ATXN1: variants seen among roughly 807,000 people sequenced by gnomAD.
ATXN1 encodes the protein ataxin-1.
In ATXN1, 8 loss-of-function variants were observed where a neutral mutation model predicts 56.4. The observed-to-expected ratio is 0.14, with a 90% confidence interval of 0.08 to 0.26. ATXN1 has a LOEUF of 0.26. Among genes scored for constraint, ATXN1 ranks in the 10% least tolerant of loss-of-function variants. The probability of loss-of-function intolerance (pLI) is 1.00; values close to 1 mark genes in which losing one functional copy is unlikely to be tolerated. For missense variants in ATXN1, 987 were observed against 1,106.5 expected (o/e 0.89, Z 1.53); for synonymous variants, 514 against 494.6 (o/e 1.04, Z -0.52).
chr6:16,538,073 C>T (rs1422079432), intron 4 of ATXN1, among the ~76,000 whole-genome samples: 2 of 152,158 alleles, frequency 1.3e-5, no homozygotes, highest in Admixed American at 1.3e-4. Context: ...CTTGATGAAA[C>T]CCCTTGTAAT....
chr6:16,386,644 C>G (rs16877981), intron 6 of ATXN1, among the ~76,000 whole-genome samples: 5,551 of 152,102 alleles, frequency 0.036, 329 homozygotes, highest in African/African-American at 0.13. Context: ...GGGTCTCTGA[C>G]ACTGATAACA....
intron 2 of ATXN1, among the ~76,000 whole-genome samples, chr6:16,724,324 C>T (rs707850): frequency 0.64 from 97,240 of 151,730 alleles, 31,595 homozygotes; most frequent in East Asian, 0.85. Flanking sequence ...TTTTGATGAG[C>T]AGGAATTCCA....
At chr6:16,618,052 CAA>C (rs921729373) in intron 3 of ATXN1, among the ~76,000 whole-genome samples, 1 of 126,460 alleles carries the variant, frequency 7.9e-6, no homozygotes, top group African/African-American at 2.9e-5. Flanking sequence ...GGTATAAAAG[CAA>C]AAAAAAAAAT....
At chr6:16,467,311 T>C (rs1045208944) in intron 6 of ATXN1, among the ~76,000 whole-genome samples, 1 of 152,252 alleles carries the variant, frequency 6.6e-6, no homozygotes, top group African/African-American at 2.4e-5. Context: ...AAATTATGTA[T>C]GAAGAGGATG....
At chr6:16,420,392 G>T (rs146242089) in intron 6 of ATXN1, among the ~76,000 whole-genome samples, 2 of 152,110 alleles carry the variant, frequency 1.3e-5, no homozygotes, top group South Asian at 2.1e-4. Flanking sequence ...GAGAATGGAG[G>T]GGGGAGCCTA....
At chr6:16,629,961 A>AGTCT (rs926645028) in intron 3 of ATXN1, among the ~76,000 whole-genome samples, 12 of 152,082 alleles carry the variant, frequency 7.9e-5, no homozygotes, top group Admixed American at 2.6e-4. Flanking sequence ...GCCTTCTTAG[A>AGTCT]GTCTGTATAA....
chr6:16,532,878 C>A (rs1168535138), intron 4 of ATXN1, among the ~76,000 whole-genome samples: 1 of 152,126 alleles, frequency 6.6e-6, no homozygotes, highest in Non-Finnish European at 1.5e-5. Context: ...AATTCCACTT[C>A]TAGGTATATA....
chr6:16,462,148 C>T (rs1760012090), intron 6 of ATXN1, among the ~76,000 whole-genome samples: 1 of 152,194 alleles, frequency 6.6e-6, no homozygotes, highest in Non-Finnish European at 1.5e-5. Context: ...AGTCCCTCCC[C>T]TCTTCCTCCT....
In ATXN1 at chr6:16,760,131, G is replaced by A. The variant is rs971423006; in HGVS notation, c.-730+1167C>T. Among the ~76,000 whole-genome samples, 2 of 151,986 alleles carry A rather than the reference G, an allele frequency of 1.3e-5. No homozygotes were observed. Among genetic ancestry groups the A allele is most frequent in the Non-Finnish European group, 2.9e-5 (2 of 67,964 alleles). On this transcript the variant is annotated intron_variant, in intron 1 of 7. Coordinates refer to ENST00000436367, the MANE Select transcript of ATXN1 (RefSeq NM_001128164.2). The surrounding 1 kb of genome is among the most constrained non-coding windows in gnomAD (Gnocchi z 5.3). ...CTGCGCGCAGCACTGGAACCACGTA[G>A]GAGGAGGCGGCGGCGCCCCCGGGAG...
intron 7 of ATXN1, among the ~76,000 whole-genome samples, chr6:16,316,166 G>A (rs118017239): frequency 1.3e-5 from 2 of 152,156 alleles, no homozygotes; most frequent in East Asian, 1.9e-4. Context: ...TGTAAACTGC[G>A]CATGCAAGGA....
intron 6 of ATXN1, among the ~76,000 whole-genome samples, chr6:16,383,766 G>A (rs1380893549): frequency 6.6e-6 from 1 of 152,158 alleles, no homozygotes; most frequent in Non-Finnish European, 1.5e-5. Context: ...CACTCCTTTG[G>A]CCAATGAAGT....
At chr6:16,511,272 C>G (rs1207081510) in intron 5 of ATXN1, among the ~76,000 whole-genome samples, 1 of 152,150 alleles carries the variant, frequency 6.6e-6, no homozygotes, top group Non-Finnish European at 1.5e-5. Context: ...CACTAGAGGG[C>G]ATTAACATGT....
At chr6:16,657,365 G>C (rs1192288282) in intron 3 of ATXN1, among the ~76,000 whole-genome samples, 1 of 152,140 alleles carries the variant, frequency 6.6e-6, no homozygotes, top group African/African-American at 2.4e-5. Flanking sequence ...GCACATGACT[G>C]TATTTGATCA....
chr6:16,367,048 A>G (rs1011714695), intron 6 of ATXN1, among the ~76,000 whole-genome samples: 3 of 152,118 alleles, frequency 2.0e-5, no homozygotes, highest in African/African-American at 7.2e-5. Context: ...ACCCTGGGGG[A>G]AGTTTCCTCC....
At chr6:16,692,029 C>T (rs1455304173) in intron 2 of ATXN1, among the ~76,000 whole-genome samples, 1 of 152,264 alleles carries the variant, frequency 6.6e-6, no homozygotes, top group East Asian at 1.9e-4. Context: ...TTTGGGAGGC[C>T]GAGGCGGGCA....
intron 6 of ATXN1, among the ~76,000 whole-genome samples, chr6:16,336,707 C>T (rs1300704185): frequency 2.0e-5 from 3 of 152,310 alleles, no homozygotes; most frequent in South Asian, 2.1e-4. Context: ...TGGCAGCCAG[C>T]AGCACACACC....
At chr6:16,660,040 C>T (rs926623968) in intron 2 of ATXN1, among the ~76,000 whole-genome samples, 5 of 152,166 alleles carry the variant, frequency 3.3e-5, no homozygotes, top group African/African-American at 9.7e-5. Context: ...TGTGATTTAT[C>T]GCTGACCTTC....
chr6:16,355,023 C>CTTT (rs1934592744), intron 6 of ATXN1, among the ~76,000 whole-genome samples: 1 of 152,168 alleles, frequency 6.6e-6, no homozygotes, highest in African/African-American at 2.4e-5. Context: ...CTGTGCACAT[C>CTTT]TTTCTTTTTC....
chr6:16,465,180 C>T (rs546223925), intron 6 of ATXN1, among the ~76,000 whole-genome samples: 10 of 152,238 alleles, frequency 6.6e-5, no homozygotes, highest in South Asian at 2.1e-4. Flanking sequence ...CAAGGTGCAA[C>T]GGCTGGGTGT....
Sources: gnomAD v4.1 joint callset for allele counts (sites outside exome capture counted in the v4.1 genomes callset) on GRCh38, gnomAD v4.1.1 for gene constraint, Gnocchi (gnomAD v3.1) non-coding constraint, MANE v1.5 for transcripts, NCBI Gene and HGNC (gene_info 2026-07-23, HGNC 2026-07-21) for gene names.